The following SLC38A11 variants were observed in gnomAD, a reference collection of about 807,000 sequenced individuals.
SLC38A11 encodes the protein putative sodium-coupled neutral amino acid transporter 11.
SLC38A11 carries 51 observed loss-of-function variants against 49.4 expected under a neutral mutation model. That is an observed-to-expected ratio of 1.03 (90% CI 0.83 to 1.30). SLC38A11 has a LOEUF of 1.30. SLC38A11 is among the 50% of genes most tolerant of loss of function. The probability of loss-of-function intolerance (pLI) is 0.00; values close to 1 mark genes in which losing one functional copy is unlikely to be tolerated. For missense variants in SLC38A11, 574 were observed against 556.2 expected (o/e 1.03, Z -0.32); for synonymous variants, 203 against 192.9 (o/e 1.05, Z -0.43).
intron 3 of SLC38A11, among the ~76,000 whole-genome samples, 167 bp downstream of exon 3, chr2:164,952,540 G>A (rs1688592803): frequency 2.0e-5 from 3 of 152,180 alleles, no homozygotes; most frequent in Non-Finnish European, 4.4e-5. Flanking sequence ...GGATTAGTAA[G>A]AAAAGTAAAT....
intron 4 of SLC38A11, 152 bp downstream of exon 4, chr2:164,945,441 G>A: frequency 3.1e-6 from 2 of 642,938 alleles, no homozygotes; most frequent in South Asian, 4.6e-5. Context: ...CAGAAAATAA[G>A]GGAGAAAATG....
chr2:164,923,750 TTGCACCAC>T (rs1686371421), intron 7 of SLC38A11, among the ~76,000 whole-genome samples: 1 of 151,598 alleles, frequency 6.6e-6, no homozygotes, highest in South Asian at 2.1e-4. Context: ...TGAGCCATGA[TTGCACCAC>T]TGCACTCCAG....
chr2:164,895,242 A>C lies in SLC38A11; in HGVS notation c.*3195T>G, dbSNP rs959553021. On this transcript the variant is annotated 3_prime_UTR_variant, in exon 12 of 12. Coordinates refer to ENST00000685975, the MANE Select transcript of SLC38A11 (RefSeq NM_001351537.2). ...GTCCACTCTACATATTTGCTCTGCTATCTTGGCAAATTCTTTACACATTTT... is the reference window on the plus strand; with the variant it reads ...GTCCACTCTACATATTTGCTCTGCTCTCTTGGCAAATTCTTTACACATTTT... Among the ~76,000 whole-genome samples, 1 of 152,194 alleles carries C rather than the reference A, an allele frequency of 6.6e-6. No homozygotes were observed. Among genetic ancestry groups the C allele is most frequent in the African/African-American group, 2.4e-5 (1 of 41,450 alleles).
chr2:164,939,445 A>G lies in SLC38A11; in HGVS notation c.537+5T>C, dbSNP rs1687595284. The G allele has an allele frequency of 3.1e-6, 5 of 1,591,258 alleles. No individual in the cohort carries two copies. The African/African-American group carries it at 6.7e-5, about 21-fold the overall frequency. ...TTCTATGCCCATTTAAAATGTAAAA[A>G]TTACCTTTCCAAGCTTTGCTATATT... On this transcript the variant is annotated splice_donor_5th_base_variant and intron_variant, in intron 6 of 11. Transcript: ENST00000685975.
intron 6 of SLC38A11, chr2:164,937,834 C>T (rs1486387792): frequency 6.5e-6 from 1 of 154,776 alleles, no homozygotes; most frequent in Non-Finnish European, 1.4e-5. Context: ...GCTGCTTCTA[C>T]TTGTCTTACT....
chr2:164,911,009 T>C (rs1449515105), intron 10 of SLC38A11, among the ~76,000 whole-genome samples: 2 of 151,914 alleles, frequency 1.3e-5, no homozygotes, highest in African/African-American at 4.8e-5. Context: ...GTAAATAATA[T>C]CCTATATATT....
intron 3 of SLC38A11, among the ~76,000 whole-genome samples, chr2:164,952,387 G>A (rs1688581282): frequency 6.6e-6 from 1 of 152,144 alleles, no homozygotes; most frequent in African/African-American, 2.4e-5. Flanking sequence ...TGCACTTTCA[G>A]AGCACAGTCG....
At position 164,895,798 on chromosome 2, in the gene SLC38A11, T is replaced by C. The variant is rs568014407; in HGVS notation, c.*2639A>G. 1 of 152,332 alleles carries C rather than the reference T, an allele frequency of 6.6e-6. No homozygotes were observed. The highest frequency in any genetic ancestry group is 1.5e-5 in the Non-Finnish European group (1 of 68,032). The allele number at this position is 152,332 out of a possible 1,614,324, so 9.4% of individuals were successfully genotyped here. Reference sequence around the variant, plus strand: ...TAGACAGTTTACCCATTCTGATGTTTGAAGATGGTTCAAGTTAGTTTTGAT... The same window carrying C: ...TAGACAGTTTACCCATTCTGATGTTCGAAGATGGTTCAAGTTAGTTTTGAT... On this transcript the variant is annotated 3_prime_UTR_variant, in exon 12 of 12. Coordinates refer to ENST00000685975, the MANE Select transcript of SLC38A11 (RefSeq NM_001351537.2).
chr2:164,950,565 C>T (rs1027626665), intron 3 of SLC38A11, among the ~76,000 whole-genome samples: 5 of 151,984 alleles, frequency 3.3e-5, no homozygotes, highest in Admixed American at 2.0e-4. Flanking sequence ...TTGTATGCAA[C>T]CTTTTTAAAA....
intron 3 of SLC38A11, among the ~76,000 whole-genome samples, chr2:164,946,681 C>T (rs1030161241): frequency 6.6e-6 from 1 of 151,894 alleles, no homozygotes; most frequent in African/African-American, 2.4e-5. Flanking sequence ...TCATTTAACT[C>T]AATGGTTTTT....
chr2:164,952,044 G>A (rs914483819), intron 3 of SLC38A11, among the ~76,000 whole-genome samples: 5 of 152,184 alleles, frequency 3.3e-5, no homozygotes, highest in Non-Finnish European at 7.3e-5. Context: ...CATAAGGTGA[G>A]ATGGTGGGAT....
Position 164,955,478 on chromosome 2 carries a change from G to A in SLC38A11, c.-231C>T, listed in dbSNP as rs1688785745. On this transcript the variant is annotated 5_prime_UTR_variant, in exon 1 of 12. Coordinates refer to ENST00000685975, the MANE Select transcript of SLC38A11 (RefSeq NM_001351537.2). ...GCGCTTTTCCACCGGAGTTCGCCCA[G>A]ACAAATGTATTTTTCCTCCGGAGAC... The A allele has an allele frequency of 1.8e-6, 1 of 553,274 alleles. No individual in the cohort carries two copies. Among genetic ancestry groups the A allele is most frequent in the Non-Finnish European group, 3.2e-6 (1 of 310,942 alleles). 34.3% of individuals were successfully genotyped at this position (553,274 alleles called of 1,614,324 possible). A position where few individuals can be genotyped will look rare whatever the true frequency, so the allele number is the denominator to read the frequency against.
Position 164,908,689 on chromosome 2 carries a change from G to A in SLC38A11, c.1046C>T (p.Thr349Met), listed in dbSNP as rs761396047. Residue 349 changes from threonine (T) to methionine (M), a missense_variant, in exon 11 of 12, where the codon ACG becomes ATG. Thr to Met is a moderately conservative substitution (Grantham distance 81). Transcript: ENST00000685975. ...GCAATCAATCAGCAATGACACAAGCGTGGCTACAGTGATGACCATCACTGT... is the reference window on the plus strand; with the variant it reads ...GCAATCAATCAGCAATGACACAAGCATGGCTACAGTGATGACCATCACTGT... ...VVTVMVITVA[T>M]LVSLLIDCLG... 7.5e-6 allele frequency: 12 copies of A among 1,609,164 alleles called. No individual in the cohort carries two copies. In the African/African-American group the frequency reaches 1.1e-4, roughly 14 times the overall value.
intron 7 of SLC38A11, among the ~76,000 whole-genome samples, chr2:164,933,842 T>C (rs1687176717): frequency 6.6e-6 from 1 of 152,148 alleles, no homozygotes; most frequent in Non-Finnish European, 1.5e-5. Flanking sequence ...TAAATCAGGA[T>C]GAACAGAAGT....
intron 3 of SLC38A11, among the ~76,000 whole-genome samples, chr2:164,948,491 A>G (rs1688291757): frequency 6.6e-6 from 1 of 152,226 alleles, no homozygotes; most frequent in Non-Finnish European, 1.5e-5. Flanking sequence ...AGATCTCTAC[A>G]GAAGTATTAA....
intron 7 of SLC38A11, among the ~76,000 whole-genome samples, chr2:164,923,201 A>G (rs1311080345): frequency 6.6e-6 from 1 of 151,710 alleles, no homozygotes; most frequent in African/African-American, 2.4e-5. Flanking sequence ...AAGCAATCAC[A>G]ACAAAAACAA....
At chr2:164,920,598 G>T (rs1370416419) in intron 7 of SLC38A11, among the ~76,000 whole-genome samples, 3 of 152,154 alleles carry the variant, frequency 2.0e-5, no homozygotes, top group Non-Finnish European at 2.9e-5. Context: ...GATGACTATT[G>T]AGAGTAGAAG....
chr2:164,943,784 C>T (rs1009164325), intron 5 of SLC38A11, among the ~76,000 whole-genome samples: 4 of 152,150 alleles, frequency 2.6e-5, no homozygotes, highest in Admixed American at 2.6e-4. Context: ...CCTGGCTTGT[C>T]ATTCTGTATT....
In SLC38A11 at chr2:164,930,528, C is replaced by A. The variant is rs147387396; in HGVS notation, c.617+6822G>T. Among the ~76,000 whole-genome samples the A allele has an allele frequency of 4.9e-3, 750 of 152,160 alleles. 2 individuals carry two copies. The highest frequency in any genetic ancestry group is 0.017 in the African/African-American group (715 of 41,516). On this transcript the variant is annotated intron_variant, in intron 7 of 11. Coordinates refer to ENST00000685975, the MANE Select transcript of SLC38A11 (RefSeq NM_001351537.2). ...TCAACAAAATAATGACAAACCAAAT[C>A]CAGTAGCACATCAAAATGCTTATCC...
Sources: gnomAD v4.1 joint callset for allele counts (sites outside exome capture counted in the v4.1 genomes callset) on GRCh38, gnomAD v4.1.1 for gene constraint, MANE v1.5 for transcripts, NCBI Gene and HGNC (gene_info 2026-07-23, HGNC 2026-07-21) for gene names.